Variants in SCP2 observed in about 807,000 individuals in gnomAD.
SCP2 encodes the protein SCP-2/3-oxoacyl-CoA thiolase.
A neutral mutation model predicts 71.4 loss-of-function variants in SCP2; 48 were observed. The observed-to-expected ratio is 0.67, with a 90% CI of 0.53 to 0.86. The LOEUF (loss-of-function observed/expected upper bound fraction) is 0.86, where lower values mean the gene tolerates loss of function less well. Ranked by LOEUF, SCP2 falls within the 40% of genes least tolerant of loss-of-function variation. The probability of loss-of-function intolerance (pLI) is 0.00; values close to 1 mark genes in which losing one functional copy is unlikely to be tolerated. For missense variants in SCP2, 560 were observed against 655.6 expected, an observed-to-expected ratio of 0.85 and a Z score of 1.59; for synonymous variants, 220 against 218.1, an observed-to-expected ratio of 1.01 and a Z score of -0.08.
chr1:52,977,079 G>C (rs1658042488), intron 8 of SCP2, among the ~76,000 whole-genome samples: 1 of 152,134 alleles, frequency 6.6e-6, no homozygotes, highest in Non-Finnish European at 1.5e-5. Context: ...AAAGCATTTT[G>C]TTTTCCCTGC....
chr1:52,990,787 C>A (rs1659428039), intron 11 of SCP2, among the ~76,000 whole-genome samples: 2 of 142,950 alleles, frequency 1.4e-5, no homozygotes, highest in Admixed American at 1.4e-4. Context: ...AGAAGAAGAA[C>A]CATTTAAGAA....
chr1:53,027,732 C>T (rs914925825), intron 12 of SCP2, among the ~76,000 whole-genome samples: 3 of 151,754 alleles, frequency 2.0e-5, no homozygotes, highest in East Asian at 2.0e-4. Flanking sequence ...CTCGAACTCC[C>T]GACTACAGGT....
chr1:52,957,957 T>TA (rs1655977213), intron 5 of SCP2, among the ~76,000 whole-genome samples: 1 of 152,228 alleles, frequency 6.6e-6, no homozygotes, highest in Admixed American at 6.5e-5. Context: ...GTGAAGGGTG[T>TA]AAGGTCTGTG....
At chr1:52,930,802 C>T (rs1432252906) in intron 1 of SCP2, among the ~76,000 whole-genome samples, 1 of 152,140 alleles carries the variant, frequency 6.6e-6, no homozygotes, top group South Asian at 2.1e-4. Flanking sequence ...TTTGGTGCAG[C>T]TTTTAAGTTT....
chr1:52,929,783 C>T (rs972697446), intron 1 of SCP2, among the ~76,000 whole-genome samples: 8 of 152,096 alleles, frequency 5.3e-5, no homozygotes, highest in African/African-American at 1.9e-4. Context: ...CCACCACGTC[C>T]GGCTAATTTT....
chr1:52,946,910 A>T (rs989126630), intron 2 of SCP2, among the ~76,000 whole-genome samples: 2 of 151,690 alleles, frequency 1.3e-5, no homozygotes, highest in African/African-American at 4.8e-5. Context: ...CACAAAAAGT[A>T]GTGTGGTGGT....
At chr1:52,970,305 T>G (rs568984585) in intron 6 of SCP2, among the ~76,000 whole-genome samples, 73 of 152,118 alleles carry the variant, frequency 4.8e-4, no homozygotes, top group Non-Finnish European at 8.4e-4. Flanking sequence ...CTGACTCTTT[T>G]TAGGTGCAAT....
chr1:52,996,780 A>T (rs58863996), intron 11 of SCP2, among the ~76,000 whole-genome samples: 1 of 152,244 alleles, frequency 6.6e-6, no homozygotes, highest in East Asian at 1.9e-4. Context: ...TAACCCCCAA[A>T]AAGGATTAAC....
intron 11 of SCP2, chr1:52,993,234 C>G (rs1471744259): frequency 3.1e-6 from 5 of 1,613,946 alleles, no homozygotes; most frequent in Non-Finnish European, 4.2e-6. Context: ...TTGTCTTTTT[C>G]TTTCCGTGTT....
At chr1:53,012,759 C>A (rs1005410739) in intron 11 of SCP2, among the ~76,000 whole-genome samples, 1 of 152,196 alleles carries the variant, frequency 6.6e-6, no homozygotes, top group Non-Finnish European at 1.5e-5. Flanking sequence ...AGGTGGCTAT[C>A]TTGCCATAGT....
At chr1:53,010,033 A>G (rs1660883012) in intron 11 of SCP2, among the ~76,000 whole-genome samples, 1 of 152,260 alleles carries the variant, frequency 6.6e-6, no homozygotes, top group African/African-American at 2.4e-5. Context: ...AAAAATGCTC[A>G]TCATCACTGG....
intron 5 of SCP2, among the ~76,000 whole-genome samples, chr1:52,960,523 T>TA (rs1491248732): frequency 6.8e-6 from 1 of 147,258 alleles, no homozygotes; most frequent in East Asian, 2.0e-4. Context: ...TGTGTGTATA[T>TA]GTGTGTATAT....
At chr1:52,951,762 A>C (rs1655337843) in intron 4 of SCP2, among the ~76,000 whole-genome samples, 1 of 151,372 alleles carries the variant, frequency 6.6e-6, no homozygotes, top group South Asian at 2.1e-4. Context: ...TGTTGCCCAG[A>C]CTGGAGTGCC....
At chr1:52,987,007 T>TATATATATATATATATATA (rs1491431026) in intron 10 of SCP2, among the ~76,000 whole-genome samples, 5 of 62,714 alleles carry the variant, frequency 8.0e-5, no homozygotes, top group South Asian at 8.5e-4. Context: ...TATATATATA[T>TATATATATATATATATATA]TTTTTTTTTT....
intron 13 of SCP2, among the ~76,000 whole-genome samples, chr1:53,038,155 G>GA (rs891379232): frequency 6.8e-6 from 1 of 146,574 alleles, no homozygotes; most frequent in African/African-American, 2.6e-5. Context: ...CAAAAAAAAA[G>GA]AAAAAAAACC....
intron 1 of SCP2, among the ~76,000 whole-genome samples, chr1:52,930,117 T>C (rs187388999): frequency 6.6e-6 from 1 of 152,320 alleles, no homozygotes; most frequent in Admixed American, 6.5e-5. Flanking sequence ...TCACCTTTTT[T>C]GAAATTCTGG....
Position 53,033,019 on chromosome 1 carries a change from A to G in SCP2, c.1338+4948A>G, listed in dbSNP as rs1290811127. Among the ~76,000 whole-genome samples, 3 of 152,214 alleles carry G rather than the reference A, an allele frequency of 2.0e-5. No homozygotes were observed. The East Asian group carries it at 5.8e-4, about 29-fold the overall frequency. On this transcript the variant is annotated intron_variant, in intron 13 of 15. Coordinates refer to ENST00000371514, the MANE Select transcript of SCP2 (RefSeq NM_002979.5). Reference sequence around the variant, plus strand: ...GTGAGCTCTTTTAAGGGAAGCCAACATAAGAGAATTTCTTTTTCACTTAAA... The same window carrying G: ...GTGAGCTCTTTTAAGGGAAGCCAACGTAAGAGAATTTCTTTTTCACTTAAA...
At chr1:53,010,875 T>C (rs1041122154) in intron 11 of SCP2, among the ~76,000 whole-genome samples, 1 of 152,086 alleles carries the variant, frequency 6.6e-6, no homozygotes, top group Admixed American at 6.6e-5. Context: ...AACTCCACCA[T>C]CTCTCCCAAA....
intron 4 of SCP2, among the ~76,000 whole-genome samples, chr1:52,951,303 A>G (rs1252626237): frequency 1.3e-5 from 2 of 151,834 alleles, no homozygotes; most frequent in Non-Finnish European, 2.9e-5. Context: ...CCAAAAAACA[A>G]AAAAAAGGCT....
Sources: allele counts gnomAD v4.1 joint callset (sites outside exome capture counted in the v4.1 genomes callset), GRCh38; gene constraint gnomAD v4.1.1; transcripts MANE v1.5; gene names NCBI Gene and HGNC (gene_info 2026-07-23, HGNC 2026-07-21).